The following EML5 variants were observed in gnomAD, a reference collection of about 807,000 sequenced individuals.
The protein encoded by EML5 is EMAP like 5.
Under a neutral mutation model 250.0 loss-of-function variants are expected in EML5, and 120 were observed. That is an observed-to-expected ratio of 0.48 (90% CI 0.41 to 0.56). EML5 has a LOEUF of 0.56. Ranked by LOEUF, EML5 falls within the 20% of genes least tolerant of loss-of-function variation. The pLI is 0.00. For synonymous variants in EML5, 771 were observed against 806.5 expected (o/e 0.96, Z 0.75); for missense variants, 2,006 against 2,437.6 (o/e 0.82, Z 3.73).
intron 36 of EML5, chr14:88,623,212 C>CACCAT (rs1481208189): frequency 6.6e-6 from 1 of 152,026 alleles, no homozygotes; most frequent in South Asian, 2.1e-4. Flanking sequence ...GATGGGGTTT[C>CACCAT]ACCATGTTGG....
At chr14:88,670,152 T>TA (rs1000449609) in intron 21 of EML5, among the ~76,000 whole-genome samples, 131 of 144,144 alleles carry the variant, frequency 9.1e-4, no homozygotes, top group Admixed American at 1.9e-3. Context: ...CCATCTCTAC[T>TA]AAAAAAAAAA....
chr14:88,691,011 T>C lies in EML5; in HGVS notation c.2540-2538A>G, dbSNP rs371371008. Among the ~76,000 whole-genome samples the C allele has an allele frequency of 4.6e-5, 7 of 152,320 alleles. No homozygotes were observed. In the East Asian group the frequency reaches 7.7e-4, roughly 17 times the overall value. Reference sequence around the variant, plus strand: ...TCTCTGCACCCAGGGTCTGCCTCCCTGGTTTGTGGCTGTAACTAGCATCTG... The same window carrying C: ...TCTCTGCACCCAGGGTCTGCCTCCCCGGTTTGTGGCTGTAACTAGCATCTG... On this transcript the variant is annotated intron_variant, in intron 17 of 43. Coordinates refer to ENST00000554922, the MANE Select transcript of EML5 (RefSeq NM_183387.3).
At chr14:88,729,527 T>C (rs1280183281) in intron 7 of EML5, among the ~76,000 whole-genome samples, 1 of 152,136 alleles carries the variant, frequency 6.6e-6, no homozygotes, top group Non-Finnish European at 1.5e-5. Flanking sequence ...GTAAATAAAG[T>C]TTTATGGAAG....
rs1354615276 is a variant in EML5, at chr14:88,726,715, T to C, written c.1050-37A>G. The C allele has an allele frequency of 2.1e-6, 3 of 1,435,430 alleles. No individual in the cohort carries two copies. The East Asian group carries it at 7.6e-5, about 36-fold the overall frequency. The allele number at this position is 1,435,430 out of a possible 1,614,324, so 88.9% of individuals were successfully genotyped here. ...AATTTAAAAAATAAAAAAGGTTAGC[T>C]AATGCATACTTTAGTAAAAATATTT... On this transcript the variant is annotated intron_variant, in intron 7 of 43. Transcript: ENST00000554922.
At chr14:88,700,141 C>T (rs2093175756) in intron 14 of EML5, among the ~76,000 whole-genome samples, 1 of 152,122 alleles carries the variant, frequency 6.6e-6, no homozygotes, top group African/African-American at 2.4e-5. Flanking sequence ...AACAAAATTT[C>T]CAAATTATAG....
chr14:88,715,247 A>C, intron 8 of EML5, 52 bp from the exon 9 acceptor site: 6 of 1,497,188 alleles, frequency 4.0e-6, no homozygotes, highest in Non-Finnish European at 4.5e-6. Context: ...CAACAGAATT[A>C]ATGCCGTTTC....
chr14:88,690,055 G>C (rs2092922452), intron 17 of EML5, among the ~76,000 whole-genome samples: 1 of 152,180 alleles, frequency 6.6e-6, no homozygotes, highest in African/African-American at 2.4e-5. Context: ...AGCCATGCTA[G>C]AAGAGTGTTC....
At chr14:88,776,021 T>C (rs1420267713) in intron 1 of EML5, among the ~76,000 whole-genome samples, 3 of 151,048 alleles carry the variant, frequency 2.0e-5, no homozygotes, top group Non-Finnish European at 4.4e-5. Context: ...ACCATCAAGG[T>C]GGCACCTCTA....
chr14:88,705,419 G>A (rs1436616575), intron 12 of EML5, 63 bp downstream of exon 12: 13 of 1,176,108 alleles, frequency 1.1e-5, no homozygotes, highest in South Asian at 2.6e-5. Context: ...GATGACTAAC[G>A]GGGAGCAAGA....
intron 8 of EML5, among the ~76,000 whole-genome samples, chr14:88,723,726 A>G (rs1455147015): frequency 6.6e-6 from 1 of 152,156 alleles, no homozygotes; most frequent in East Asian, 1.9e-4. Context: ...TACAGTTTTT[A>G]TTTGTCAATC....
At chr14:88,751,609 T>C (rs940286052) in intron 2 of EML5, among the ~76,000 whole-genome samples, 2 of 145,158 alleles carry the variant, frequency 1.4e-5, no homozygotes, top group African/African-American at 5.0e-5. Flanking sequence ...TCAAGTGTGA[T>C]ATTTAGAGTT....
At chr14:88,689,981 G>T (rs2092921125) in intron 17 of EML5, among the ~76,000 whole-genome samples, 1 of 152,154 alleles carries the variant, frequency 6.6e-6, no homozygotes, top group African/African-American at 2.4e-5. Context: ...TAAGTAGGGT[G>T]GTTAAGGTAA....
chr14:88,660,282 TAAA>T (rs35634830), intron 25 of EML5, among the ~76,000 whole-genome samples: 3 of 133,848 alleles, frequency 2.2e-5, no homozygotes, highest in Non-Finnish European at 3.2e-5. Context: ...GACGCTGTCT[TAAA>T]AAAAAAAAAA....
intron 21 of EML5, among the ~76,000 whole-genome samples, chr14:88,667,099 G>A (rs1352154826): frequency 6.6e-6 from 1 of 152,098 alleles, no homozygotes; most frequent in Non-Finnish European, 1.5e-5. Flanking sequence ...ACTGAGATGG[G>A]ATAAACTAGA....
At chr14:88,722,105 C>T (rs2093599277) in intron 8 of EML5, among the ~76,000 whole-genome samples, 1 of 152,070 alleles carries the variant, frequency 6.6e-6, no homozygotes, top group Non-Finnish European at 1.5e-5. Context: ...ATTAAAAAGT[C>T]AATAAACAAC....
At chr14:88,618,939 C>T (rs1374561691) in intron 39 of EML5, 127 bp from the exon 40 acceptor site, 1 of 823,976 alleles carries the variant, frequency 1.2e-6, no homozygotes, top group Non-Finnish European at 1.8e-6. Context: ...ATTTACCTGT[C>T]AGACACAACT....
intron 2 of EML5, among the ~76,000 whole-genome samples, chr14:88,750,478 T>C (rs1361966406): frequency 1.3e-5 from 2 of 152,108 alleles, no homozygotes; most frequent in Non-Finnish European, 2.9e-5. Context: ...TTGACATATG[T>C]ACTACTTAAA....
rs2087224577 is a variant in EML5 at position 88,614,051 on chromosome 14, T to G, written c.*1767A>C. On this transcript the variant is annotated 3_prime_UTR_variant, in exon 44 of 44. Coordinates refer to ENST00000554922, the MANE Select transcript of EML5 (RefSeq NM_183387.3). ...ACAGTTTTATTCTATGTAGTTTACA[T>G]GCTTAAGGTTACAGAGTTTCTACCT... The G allele has an allele frequency of 6.6e-6, 1 of 152,228 alleles. No homozygotes were observed. The highest frequency in any genetic ancestry group is 1.5e-5 in the Non-Finnish European group (1 of 68,048). The allele number at this position is 152,228 out of a possible 1,614,324, so 9.4% of individuals were successfully genotyped here.
intron 10 of EML5, among the ~76,000 whole-genome samples, chr14:88,711,293 C>G (rs999360857): frequency 6.7e-6 from 1 of 149,862 alleles, no homozygotes; most frequent in Non-Finnish European, 1.5e-5. Flanking sequence ...GGGAGGTGAT[C>G]GAATCATGGG....
Sources: allele counts gnomAD v4.1 joint callset (sites outside exome capture counted in the v4.1 genomes callset), GRCh38; gene constraint gnomAD v4.1.1; transcripts MANE v1.5; gene names NCBI Gene and HGNC (gene_info 2026-07-23, HGNC 2026-07-21).